Variants in ZNF385B observed in about 807,000 individuals in gnomAD.
ZNF385B encodes zinc finger protein 385B.
ZNF385B carries 23 observed loss-of-function variants against 39.2 expected under a neutral mutation model. That is an observed-to-expected ratio of 0.59 (90% CI 0.42 to 0.83). The LOEUF is 0.83. Among genes scored for constraint, ZNF385B ranks in the 40% least tolerant of loss-of-function variants. The pLI, the probability that ZNF385B is intolerant of heterozygous loss-of-function variation, is 0.00. For synonymous variants in ZNF385B, 205 were observed against 222.6 expected, an observed-to-expected ratio of 0.92 and a Z score of 0.70; for missense variants, 552 against 598.9, an observed-to-expected ratio of 0.92 and a Z score of 0.82.
chr2:179,565,279 C>T (rs1348349036), intron 3 of ZNF385B, among the ~76,000 whole-genome samples: 3 of 152,154 alleles, frequency 2.0e-5, no homozygotes, highest in Non-Finnish European at 4.4e-5. Flanking sequence ...CATTAATTGA[C>T]TTAGCCCCAA....
At chr2:179,741,779 T>C (rs1198335671) in intron 3 of ZNF385B, among the ~76,000 whole-genome samples, 2 of 152,120 alleles carry the variant, frequency 1.3e-5, no homozygotes, top group African/African-American at 4.8e-5. Context: ...CTATGGTAAA[T>C]GGAATAATTA....
intron 3 of ZNF385B, among the ~76,000 whole-genome samples, chr2:179,565,588 G>A (rs1022074984): frequency 6.6e-6 from 1 of 152,200 alleles, no homozygotes; most frequent in Admixed American, 6.5e-5. Context: ...GGCCCCTTAG[G>A]CAGTGCCTTA....
rs150912411 is a variant in ZNF385B, at chr2:179,479,570, T to C, written c.715+3702A>G. ...GAAAGAGTTCACCAGCTGGGCACAG[T>C]AGCACATACCTGTAATCCCAGCATT... On this transcript the variant is annotated intron_variant, in intron 6 of 9. Transcript: ENST00000410066. 6.2e-3 allele frequency among the ~76,000 whole-genome samples: 939 copies of C among 152,248 alleles called. 12 individuals are homozygous for C. Among genetic ancestry groups the C allele is most frequent in the African/African-American group, 0.022 (909 of 41,544 alleles).
At chr2:179,710,210 C>T (rs115515738) in intron 3 of ZNF385B, among the ~76,000 whole-genome samples, 1 of 152,128 alleles carries the variant, frequency 6.6e-6, no homozygotes, top group African/African-American at 2.4e-5. Flanking sequence ...AGCGCTTACA[C>T]TCTCCTGACA....
At chr2:179,810,627 A>G (rs1037585301) in intron 1 of ZNF385B, among the ~76,000 whole-genome samples, 1 of 152,006 alleles carries the variant, frequency 6.6e-6, no homozygotes, top group Admixed American at 6.5e-5. Context: ...TCACTACAAA[A>G]TATCTTATTC....
At chr2:179,445,879 T>C in intron 7 of ZNF385B, 151 bp from the exon 8 acceptor site, 1 of 691,226 alleles carries the variant, frequency 1.4e-6, no homozygotes, top group South Asian at 3.4e-5. Flanking sequence ...ATTTAACACG[T>C]TATTGTAAAA....
chr2:179,628,739 G>C (rs1039527831), intron 3 of ZNF385B, among the ~76,000 whole-genome samples: 2 of 152,126 alleles, frequency 1.3e-5, no homozygotes, highest in Admixed American at 1.3e-4. Context: ...AAGAGTGATG[G>C]TTTAGGTCTT....
At chr2:179,847,478 G>A (rs929298507) in intron 1 of ZNF385B, among the ~76,000 whole-genome samples, 18 of 152,104 alleles carry the variant, frequency 1.2e-4, no homozygotes, top group African/African-American at 4.3e-4. Flanking sequence ...TAAATTCCCT[G>A]CCCGATCTCA....
At chr2:179,594,573 C>T (rs897965601) in intron 3 of ZNF385B, among the ~76,000 whole-genome samples, 2 of 152,162 alleles carry the variant, frequency 1.3e-5, no homozygotes, top group African/African-American at 2.4e-5. Flanking sequence ...CAGCAAATGG[C>T]ACTTGGCCTA....
At chr2:179,567,702 T>C (rs1235731124) in intron 3 of ZNF385B, among the ~76,000 whole-genome samples, 1 of 152,194 alleles carries the variant, frequency 6.6e-6, no homozygotes, top group Non-Finnish European at 1.5e-5. Context: ...AGTTTCACTG[T>C]GAAGGCAGGA....
At chr2:179,821,893 A>T (rs1707419630) in intron 1 of ZNF385B, among the ~76,000 whole-genome samples, 1 of 152,208 alleles carries the variant, frequency 6.6e-6, no homozygotes, top group African/African-American at 2.4e-5. Flanking sequence ...AAGAAAAAAG[A>T]GTACTTCTAT....
At chr2:179,801,080 A>G (rs1326881782) in intron 1 of ZNF385B, among the ~76,000 whole-genome samples, 1 of 151,972 alleles carries the variant, frequency 6.6e-6, no homozygotes, top group African/African-American at 2.4e-5. Flanking sequence ...CTTTCAATAC[A>G]TATTTCTTCA....
At chr2:179,528,836 C>G (rs2059086876) in intron 4 of ZNF385B, among the ~76,000 whole-genome samples, 1 of 152,176 alleles carries the variant, frequency 6.6e-6, no homozygotes, top group African/African-American at 2.4e-5. Context: ...TTAAAATGTT[C>G]CATTTTCCTG....
chr2:179,786,917 C>T (rs1187068838), intron 1 of ZNF385B, among the ~76,000 whole-genome samples: 1 of 152,068 alleles, frequency 6.6e-6, no homozygotes, highest in South Asian at 2.1e-4. Context: ...ATTTCTTACT[C>T]TCACAATACT....
At chr2:179,765,981 G>T (rs546456281) in intron 3 of ZNF385B, among the ~76,000 whole-genome samples, 1 of 149,486 alleles carries the variant, frequency 6.7e-6, no homozygotes, top group African/African-American at 2.5e-5. Context: ...CTGGGAAAAG[G>T]ATTTTGCTGC....
chr2:179,586,759 C>G (rs905668833), intron 3 of ZNF385B, among the ~76,000 whole-genome samples: 13 of 152,310 alleles, frequency 8.5e-5, no homozygotes, highest in African/African-American at 3.1e-4. Flanking sequence ...GTATTATTGG[C>G]TGGGCATGGT....
At chr2:179,605,850 A>C (rs1688757908) in intron 3 of ZNF385B, among the ~76,000 whole-genome samples, 1 of 152,148 alleles carries the variant, frequency 6.6e-6, no homozygotes, top group South Asian at 2.1e-4. Flanking sequence ...TCCCAAATCA[A>C]GGCAGTAGAC....
At chr2:179,556,105 T>C (rs957338407) in intron 3 of ZNF385B, among the ~76,000 whole-genome samples, 5 of 148,618 alleles carry the variant, frequency 3.4e-5, no homozygotes, top group African/African-American at 1.3e-4. Flanking sequence ...AGATGGCTTT[T>C]CAGATGCTGT....
At chr2:179,670,248 C>T (rs972457493) in intron 3 of ZNF385B, among the ~76,000 whole-genome samples, 19 of 148,676 alleles carry the variant, frequency 1.3e-4, no homozygotes, top group Non-Finnish European at 2.7e-4. Context: ...GCCGAGATTG[C>T]GCCACTGCAC....
Sources: allele counts gnomAD v4.1 joint callset (sites outside exome capture counted in the v4.1 genomes callset), GRCh38; gene constraint gnomAD v4.1.1; transcripts MANE v1.5; gene names NCBI Gene and HGNC (gene_info 2026-07-23, HGNC 2026-07-21).